The following COL24A1 variants were observed in gnomAD, a reference collection of about 807,000 sequenced individuals.
COL24A1 encodes collagen alpha-1(XXIV) chain.
COL24A1 carries 224 observed loss-of-function variants against 253.9 expected under a neutral mutation model. The observed-to-expected ratio is 0.88, with a 90% CI of 0.79 to 0.99. COL24A1 has a LOEUF of 0.99. Ranked by LOEUF, COL24A1 falls within the 50% of genes least tolerant of loss-of-function variation. The pLI, the probability that COL24A1 is intolerant of heterozygous loss-of-function variation, is 0.00. For missense variants in COL24A1, 2,131 were observed against 2,068.5 expected (o/e 1.03, Z -0.59); for synonymous variants, 685 against 673.7 (o/e 1.02, Z -0.26).
At chr1:85,735,049 A>G (rs992785162) in intron 58 of COL24A1, 85 bp from the exon 59 acceptor site, 2 of 1,288,822 alleles carry the variant, frequency 1.6e-6, no homozygotes, top group African/African-American at 3.0e-5. Flanking sequence ...AAAGTCCTTC[A>G]AAGGCAGCCT....
chr1:85,843,188 A>G (rs1244173618), intron 39 of COL24A1, among the ~76,000 whole-genome samples: 1 of 152,160 alleles, frequency 6.6e-6, no homozygotes, highest in African/African-American at 2.4e-5. Context: ...TTGATTCTGC[A>G]TATATAGTAT....
intron 24 of COL24A1, among the ~76,000 whole-genome samples, chr1:85,923,352 A>G (rs2103026232): frequency 6.6e-6 from 1 of 152,312 alleles, no homozygotes; most frequent in South Asian, 2.1e-4. Context: ...TGCACCTCAA[A>G]TTAACAGAAT....
At chr1:85,796,577 C>A (rs1670827733) in intron 47 of COL24A1, among the ~76,000 whole-genome samples, 1 of 152,160 alleles carries the variant, frequency 6.6e-6, no homozygotes, top group Non-Finnish European at 1.5e-5. Flanking sequence ...GTGAACACAC[C>A]AAACTCCATG....
At chr1:85,773,125 G>C (rs1414162164) in intron 53 of COL24A1, among the ~76,000 whole-genome samples, 1 of 152,138 alleles carries the variant, frequency 6.6e-6, no homozygotes, top group Non-Finnish European at 1.5e-5. Context: ...ATTAAATAGG[G>C]AATCTTTTCT....
intron 22 of COL24A1, among the ~76,000 whole-genome samples, chr1:85,969,347 GT>G (rs1691889385): frequency 6.6e-6 from 1 of 152,008 alleles, no homozygotes; most frequent in Admixed American, 6.6e-5. Context: ...GCTCACTCCT[GT>G]AATCCCAGCA....
chr1:85,873,298 G>A (rs1680749178), intron 35 of COL24A1, among the ~76,000 whole-genome samples: 1 of 151,904 alleles, frequency 6.6e-6, no homozygotes, highest in Non-Finnish European at 1.5e-5. Context: ...CAAGGATCTA[G>A]AATTAGAAAT....
intron 14 of COL24A1, 41 bp from the exon 15 acceptor site, chr1:86,023,048 T>C: frequency 6.3e-7 from 1 of 1,583,528 alleles, no homozygotes; most frequent in Non-Finnish European, 8.7e-7. Flanking sequence ...TAAGCATTCA[T>C]TAGGATTAGA....
intron 37 of COL24A1, among the ~76,000 whole-genome samples, chr1:85,861,130 G>C (rs185857510): frequency 6.6e-6 from 1 of 152,140 alleles, no homozygotes; most frequent in African/African-American, 2.4e-5. Context: ...AATGTATAAG[G>C]GTTCCAATTT....
intron 24 of COL24A1, among the ~76,000 whole-genome samples, chr1:85,945,028 T>TTTTTTC (rs1689193877): frequency 8.2e-6 from 1 of 121,304 alleles, no homozygotes; most frequent in Non-Finnish European, 1.7e-5. Context: ...TTTTTTTTTT[T>TTTTTTC]TTTTTTTGAG....
At chr1:85,803,141 A>G (rs181002115) in intron 47 of COL24A1, among the ~76,000 whole-genome samples, 22 of 152,320 alleles carry the variant, frequency 1.4e-4, no homozygotes, top group African/African-American at 4.6e-4. Context: ...CCAATATATA[A>G]GATAATTGAC....
intron 24 of COL24A1, among the ~76,000 whole-genome samples, chr1:85,958,143 G>GA (rs376657017): frequency 3.1e-4 from 46 of 148,592 alleles, no homozygotes; most frequent in East Asian, 5.9e-4. Flanking sequence ...TTTTACTGCT[G>GA]AAAAAAAAAC....
At chr1:85,810,077 C>A (rs1016495477) in intron 47 of COL24A1, among the ~76,000 whole-genome samples, 1 of 40,694 alleles carries the variant, frequency 2.5e-5, no homozygotes, top group Admixed American at 2.4e-4. Flanking sequence ...TGGCTATGAC[C>A]CCTGCTGATC....
intron 14 of COL24A1, among the ~76,000 whole-genome samples, chr1:86,027,694 G>A (rs941951783): frequency 7.1e-6 from 1 of 140,842 alleles, no homozygotes; most frequent in Non-Finnish European, 1.6e-5. Context: ...GAAGGGAAAT[G>A]TAGGGTCAGA....
rs991657699 is a variant in COL24A1, at chr1:85,932,492, C to G, written c.2563-21059G>C. ...GAACACTTTTACACTGTTGGTGGGA[C>G]TGTAAACTAGTCCAACCATTGTGGA... On this transcript the variant is annotated intron_variant, in intron 24 of 59. Coordinates refer to ENST00000370571, the MANE Select transcript of COL24A1 (RefSeq NM_152890.7). 5.6e-5 allele frequency among the ~76,000 whole-genome samples: 7 copies of G among 124,124 alleles called. 1 individual carries two copies. The highest frequency in any genetic ancestry group is 2.3e-4 in the African/African-American group (7 of 29,970). 81.4% of individuals were successfully genotyped at this position (124,124 alleles called of 152,430 possible). A position where few individuals can be genotyped will look rare whatever the true frequency, so the allele number is the denominator to read the frequency against.
chr1:85,953,335 A>ATTGTAACT (rs1412897414), intron 24 of COL24A1, among the ~76,000 whole-genome samples: 1 of 152,202 alleles, frequency 6.6e-6, no homozygotes, highest in East Asian at 1.9e-4. Flanking sequence ...TACCTAAGAG[A>ATTGTAACT]ATAGTAACAT....
At chr1:85,933,888 G>A (rs539780407) in intron 24 of COL24A1, among the ~76,000 whole-genome samples, 2 of 152,126 alleles carry the variant, frequency 1.3e-5, no homozygotes, top group African/African-American at 4.8e-5. Flanking sequence ...TATTTTAGTT[G>A]TCTACTGCTG....
chr1:85,830,107 G>T (rs1015798198), intron 43 of COL24A1, among the ~76,000 whole-genome samples: 5 of 151,932 alleles, frequency 3.3e-5, no homozygotes, highest in Admixed American at 6.6e-5. Context: ...TTTCGGTGTG[G>T]ATGTCCTTTC....
At chr1:85,766,599 A>G (rs1667409461) in intron 53 of COL24A1, among the ~76,000 whole-genome samples, 1 of 152,088 alleles carries the variant, frequency 6.6e-6, no homozygotes, top group Non-Finnish European at 1.5e-5. Flanking sequence ...ATTACAGAAG[A>G]CATGAAGTTT....
At chr1:85,999,925 G>C (rs1571545094) in intron 19 of COL24A1, among the ~76,000 whole-genome samples, 1 of 152,110 alleles carries the variant, frequency 6.6e-6, no homozygotes, top group East Asian at 1.9e-4. Context: ...CTCTGACATA[G>C]CTTGAAATAT....
Sources: gnomAD v4.1 joint callset for allele counts (sites outside exome capture counted in the v4.1 genomes callset) on GRCh38, gnomAD v4.1.1 for gene constraint, MANE v1.5 for transcripts, NCBI Gene and HGNC (gene_info 2026-07-23, HGNC 2026-07-21) for gene names.